Variants in JARID2 observed in about 807,000 individuals in gnomAD.
JARID2 encodes protein Jumonji.
In JARID2, 21 loss-of-function variants were observed where a neutral mutation model predicts 125.6. That is an observed-to-expected ratio of 0.17 (90% CI 0.12 to 0.24). The LOEUF is 0.24. Among genes scored for constraint, JARID2 ranks in the 10% least tolerant of loss-of-function variants. The pLI, the probability that JARID2 is intolerant of heterozygous loss-of-function variation, is 1.00. For synonymous variants in JARID2, 736 were observed against 661.6 expected (o/e 1.11, Z -1.73); for missense variants, 1,303 against 1,639.6 (o/e 0.79, Z 3.55).
At chr6:15,413,255 C>T (rs1022255871) in intron 3 of JARID2, among the ~76,000 whole-genome samples, 5 of 151,834 alleles carry the variant, frequency 3.3e-5, no homozygotes, top group African/African-American at 4.8e-5. Context: ...TCAGGTGACC[C>T]GCCCACCTCG....
rs1456623438 is a variant in JARID2 at position 15,384,841 on chromosome 6, A to G, written c.181+10589A>G. Among the ~76,000 whole-genome samples the G allele has an allele frequency of 2.0e-5, 3 of 152,130 alleles. 1 individual carries two copies. The highest frequency in any genetic ancestry group is 4.1e-4 in the South Asian group (2 of 4,828). ...TCCTGCCTTGGCCTCCCAGAGTGTT[A>G]GAATTACAGGTGTGAGCCACTTCAC... On this transcript the variant is annotated intron_variant, in intron 2 of 17. Transcript: ENST00000341776.
chr6:15,302,214 G>A (rs1442989025), intron 1 of JARID2, among the ~76,000 whole-genome samples: 1 of 152,122 alleles, frequency 6.6e-6, no homozygotes, highest in Non-Finnish European at 1.5e-5. Context: ...TCAGGAGTTC[G>A]AGACCAGCCT....
intron 1 of JARID2, among the ~76,000 whole-genome samples, chr6:15,287,701 C>T (rs1179118774): frequency 6.6e-6 from 1 of 152,128 alleles, no homozygotes; most frequent in East Asian, 1.9e-4. Context: ...GGAGCTATCC[C>T]ACTGTTGTCA....
At chr6:15,427,591 A>G (rs559600640) in intron 3 of JARID2, among the ~76,000 whole-genome samples, 22 of 152,134 alleles carry the variant, frequency 1.4e-4, no homozygotes, top group Non-Finnish European at 2.8e-4. Context: ...TTTAAACAGT[A>G]ACATTTTTGT....
chr6:15,307,589 G>A (rs960356724), intron 1 of JARID2, among the ~76,000 whole-genome samples: 4 of 152,040 alleles, frequency 2.6e-5, no homozygotes, highest in African/African-American at 7.2e-5. Flanking sequence ...TTCGGGATGG[G>A]GTTGTGGTTC....
chr6:15,278,580 C>T lies in JARID2; in HGVS notation c.45+31996C>T, dbSNP rs576102633. ...CAGCCTGGGCAACAGAGCAAGACTC[C>T]GTCTCAAAAAATAAAAAATAAAAAA... On this transcript the variant is annotated intron_variant, in intron 1 of 17. Coordinates refer to ENST00000341776, the MANE Select transcript of JARID2 (RefSeq NM_004973.4). Among the ~76,000 whole-genome samples the T allele has an allele frequency of 6.9e-5, 10 of 144,992 alleles. No homozygotes were observed. In the East Asian group the frequency reaches 2.1e-3, roughly 30 times the overall value.
intron 2 of JARID2, among the ~76,000 whole-genome samples, chr6:15,382,149 G>T (rs1277588306): frequency 6.6e-6 from 1 of 152,238 alleles, no homozygotes; most frequent in East Asian, 1.9e-4. Context: ...TGTACTCCCA[G>T]CTACTCAGGA....
chr6:15,324,335 A>G (rs1393199567), intron 1 of JARID2: 1 of 152,080 alleles, frequency 6.6e-6, no homozygotes, highest in Non-Finnish European at 1.5e-5. Flanking sequence ...GGAGTTTTAT[A>G]ATTTTTTCCC....
intron 1 of JARID2, among the ~76,000 whole-genome samples, chr6:15,299,529 T>G (rs952322765): frequency 6.6e-6 from 1 of 152,164 alleles, no homozygotes; most frequent in African/African-American, 2.4e-5. Context: ...ATTTATAGTT[T>G]GGAGAAGGTA....
intron 1 of JARID2, among the ~76,000 whole-genome samples, chr6:15,297,585 C>T (rs757256700): frequency 6.6e-6 from 1 of 151,576 alleles, no homozygotes; most frequent in Non-Finnish European, 1.5e-5. Context: ...AAGCAGTCCT[C>T]CTGCCTCAGC....
intron 3 of JARID2, among the ~76,000 whole-genome samples, chr6:15,449,945 G>T (rs943728337): frequency 1.6e-4 from 25 of 152,160 alleles, no homozygotes; most frequent in African/African-American, 6.0e-4. Flanking sequence ...TTTCGGGAGT[G>T]TGGAGGATTT....
At chr6:15,325,164 TAAAG>T (rs1762497463) in intron 1 of JARID2, among the ~76,000 whole-genome samples, 1 of 152,212 alleles carries the variant, frequency 6.6e-6, no homozygotes, top group Admixed American at 6.5e-5. Context: ...TCTTTCTTTA[TAAAG>T]ACTTTTATAA....
chr6:15,268,646 T>C (rs1760180751), intron 1 of JARID2, among the ~76,000 whole-genome samples: 1 of 152,156 alleles, frequency 6.6e-6, no homozygotes. Flanking sequence ...AAGGGAGCTT[T>C]TTGCAGCTCT....
At chr6:15,430,979 A>T (rs1192522363) in intron 3 of JARID2, among the ~76,000 whole-genome samples, 5 of 152,210 alleles carry the variant, frequency 3.3e-5, no homozygotes, top group African/African-American at 1.2e-4. Flanking sequence ...ATATGTTTGC[A>T]TTCACTGTGA....
chr6:15,360,206 T>G (rs973526323), intron 1 of JARID2, among the ~76,000 whole-genome samples: 14 of 152,072 alleles, frequency 9.2e-5, no homozygotes, highest in African/African-American at 3.1e-4. Context: ...TTTTTGAGAC[T>G]GAGTCTCACT....
Position 15,507,128 on chromosome 6 carries a change from C to A in JARID2, c.2542-8C>A, listed in dbSNP as rs201785620. 3 of 1,578,988 alleles carry A rather than the reference C, an allele frequency of 1.9e-6. No homozygotes were observed. Among genetic ancestry groups the A allele is most frequent in the South Asian group, 1.1e-5 (1 of 90,230 alleles). On this transcript the variant is annotated splice_region_variant and splice_polypyrimidine_tract_variant and intron_variant, in intron 9 of 17. Coordinates refer to ENST00000341776, the MANE Select transcript of JARID2 (RefSeq NM_004973.4). Reference sequence around the variant, plus strand: ...GGGTGCTGACCAGCCCTTTCCTGTTCCCTGCAGCAAGAGTACTGGAGGCTA... The same window carrying A: ...GGGTGCTGACCAGCCCTTTCCTGTTACCTGCAGCAAGAGTACTGGAGGCTA...
At chr6:15,482,884 G>A (rs1353890720) in intron 5 of JARID2, among the ~76,000 whole-genome samples, 1 of 152,074 alleles carries the variant, frequency 6.6e-6, no homozygotes, top group Admixed American at 6.6e-5. Context: ...ATCCTATGTT[G>A]TTCATTTGAA....
chr6:15,367,528 A>T (rs1423640730), intron 1 of JARID2, among the ~76,000 whole-genome samples: 1 of 152,222 alleles, frequency 6.6e-6, no homozygotes, highest in African/African-American at 2.4e-5. Flanking sequence ...TTACATATTT[A>T]ACATCTCTGG....
At chr6:15,469,612 G>C (rs1018260887) in intron 5 of JARID2, among the ~76,000 whole-genome samples, 5 of 150,478 alleles carry the variant, frequency 3.3e-5, no homozygotes, top group Admixed American at 1.3e-4. Context: ...ACCACGCCCA[G>C]CCGCCTAGTG....
Sources: gnomAD v4.1 joint callset for allele counts (sites outside exome capture counted in the v4.1 genomes callset) on GRCh38, gnomAD v4.1.1 for gene constraint, MANE v1.5 for transcripts, NCBI Gene and HGNC (gene_info 2026-07-23, HGNC 2026-07-21) for gene names.